The following FUT9 variants were observed in gnomAD, a reference collection of about 807,000 sequenced individuals.
The protein encoded by FUT9 is 4-galactosyl-N-acetylglucosaminide 3-alpha-L-fucosyltransferase 9.
FUT9 carries 15 observed loss-of-function variants against 29.7 expected under a neutral mutation model. The ratio of observed to expected loss-of-function variants is 0.51; its 90% CI spans 0.34 to 0.78. The LOEUF is 0.78. Ranked by LOEUF, FUT9 falls within the 30% of genes least tolerant of loss-of-function variation. FUT9 has a pLI of 0.01. For missense variants in FUT9, 319 were observed against 425.4 expected, an observed-to-expected ratio of 0.75 and a Z score of 2.20; for synonymous variants, 169 against 153.7, an observed-to-expected ratio of 1.10 and a Z score of -0.74.
intron 1 of FUT9, chr6:96,020,887 T>C (rs1770056555): frequency 6.6e-6 from 1 of 152,084 alleles, no homozygotes; most frequent in South Asian, 2.1e-4. Context: ...AAGGCTCCCC[T>C]GACATAGTTT....
At chr6:96,161,047 A>G (rs1268675968) in intron 2 of FUT9, among the ~76,000 whole-genome samples, 6 of 152,214 alleles carry the variant, frequency 3.9e-5, no homozygotes, top group Admixed American at 3.9e-4. Flanking sequence ...AGGAAAATCT[A>G]GATTCATTTT....
intron 2 of FUT9, among the ~76,000 whole-genome samples, chr6:96,161,785 A>G (rs181489607): frequency 1.3e-5 from 2 of 152,368 alleles, no homozygotes; most frequent in Admixed American, 1.3e-4. Flanking sequence ...TGAATGCCAG[A>G]TATCCAAAAA....
At chr6:96,038,477 G>A (rs1450667311) in intron 1 of FUT9, among the ~76,000 whole-genome samples, 1 of 152,086 alleles carries the variant, frequency 6.6e-6, no homozygotes, top group East Asian at 1.9e-4. Context: ...GAGACTATGA[G>A]GAAAATATAG....
chr6:96,055,970 T>C (rs1250421598), intron 1 of FUT9, among the ~76,000 whole-genome samples: 2 of 152,198 alleles, frequency 1.3e-5, no homozygotes. Context: ...AATATCAAAA[T>C]AATATTTGAA....
At chr6:96,062,623 G>C (rs1770895668) in intron 1 of FUT9, among the ~76,000 whole-genome samples, 1 of 152,098 alleles carries the variant, frequency 6.6e-6, no homozygotes, top group Non-Finnish European at 1.5e-5. Flanking sequence ...GGAAGGGAGG[G>C]AGGATAGGAT....
At chr6:96,095,003 T>C (rs1002552611) in intron 1 of FUT9, among the ~76,000 whole-genome samples, 1 of 152,080 alleles carries the variant, frequency 6.6e-6, no homozygotes, top group Non-Finnish European at 1.5e-5. Flanking sequence ...CTCCATGTCC[T>C]TTCTCACCTC....
chr6:96,022,918 G>C (rs1770100063), intron 1 of FUT9, among the ~76,000 whole-genome samples: 1 of 151,742 alleles, frequency 6.6e-6, no homozygotes, highest in African/African-American at 2.4e-5. Flanking sequence ...ATCCCAAAGG[G>C]CTCCTGTGAA....
At chr6:96,132,316 C>T (rs1203289341) in intron 2 of FUT9, among the ~76,000 whole-genome samples, 2 of 105,174 alleles carry the variant, frequency 1.9e-5, no homozygotes, top group Non-Finnish European at 4.5e-5. Context: ...TATGTGTCTG[C>T]TGTTCCATTT....
chr6:96,021,942 C>T (rs1770076534), intron 1 of FUT9, among the ~76,000 whole-genome samples: 1 of 151,628 alleles, frequency 6.6e-6, no homozygotes, highest in Non-Finnish European at 1.5e-5. Flanking sequence ...ATTGGTTTAC[C>T]AAGAGAAAAA....
At chr6:96,150,345 T>A (rs1291992645) in intron 2 of FUT9, among the ~76,000 whole-genome samples, 2 of 152,138 alleles carry the variant, frequency 1.3e-5, no homozygotes, top group East Asian at 3.9e-4. Context: ...CAGAGCGTGA[T>A]GAATCCAGCA....
intron 1 of FUT9, among the ~76,000 whole-genome samples, chr6:96,090,713 G>C (rs1263524096): frequency 1.3e-5 from 2 of 151,606 alleles, no homozygotes; most frequent in Non-Finnish European, 2.9e-5. Flanking sequence ...CACAGAGACA[G>C]TATGAAATAG....
chr6:96,158,158 A>G (rs1355749695), intron 2 of FUT9, among the ~76,000 whole-genome samples: 1 of 151,578 alleles, frequency 6.6e-6, no homozygotes, highest in South Asian at 2.1e-4. Context: ...TGAACTTTAC[A>G]TTTGTGTCAT....
chr6:96,100,230 A>AACAC (rs36064811), intron 1 of FUT9, among the ~76,000 whole-genome samples: 46 of 148,894 alleles, frequency 3.1e-4, no homozygotes, highest in African/African-American at 8.8e-4. Flanking sequence ...CACACACACC[A>AACAC]ACACACACAC....
chr6:96,026,953 G>C (rs2127924445), intron 1 of FUT9, among the ~76,000 whole-genome samples: 1 of 151,734 alleles, frequency 6.6e-6, no homozygotes, highest in Middle Eastern at 3.4e-3. Context: ...TAGTAGAGAT[G>C]AACTGAAAGT....
intron 2 of FUT9, among the ~76,000 whole-genome samples, chr6:96,150,598 A>G (rs1772658029): frequency 6.6e-6 from 1 of 152,196 alleles, no homozygotes; most frequent in Admixed American, 6.5e-5. Flanking sequence ...AGCAGTGTGT[A>G]GGATGGATTG....
rs764275262 is a variant in FUT9 at position 96,212,528 on chromosome 6, T to C, written c.*8293T>C. On this transcript the variant is annotated 3_prime_UTR_variant, in exon 3 of 3. Coordinates refer to ENST00000302103, the MANE Select transcript of FUT9 (RefSeq NM_006581.4). ...TCATATTTGAGAACAAGATTTTACT[T>C]AGAAGGGAAAAAAAAGAACTTTCAG... is the stretch of plus-strand genomic sequence containing the variant. 1.3e-4 allele frequency: 54 copies of C among 405,740 alleles called. No homozygotes were observed. The highest frequency in any genetic ancestry group is 2.9e-4 in the South Asian group (2 of 6,954). The allele number at this position is 405,740 out of a possible 1,614,324, so 25.1% of individuals were successfully genotyped here.
intron 2 of FUT9, among the ~76,000 whole-genome samples, chr6:96,198,186 A>T (rs1773661586): frequency 6.6e-6 from 1 of 151,708 alleles, no homozygotes; most frequent in Non-Finnish European, 1.5e-5. Flanking sequence ...TTACATATGT[A>T]TACATGTGCC....
intron 1 of FUT9, among the ~76,000 whole-genome samples, chr6:96,110,313 A>G (rs1771775331): frequency 1.3e-5 from 2 of 152,170 alleles, no homozygotes; most frequent in African/African-American, 4.8e-5. Flanking sequence ...CATTTTGCTC[A>G]TAGAAGGCCC....
chr6:96,077,066 C>G (rs983616518), intron 1 of FUT9, among the ~76,000 whole-genome samples: 13 of 152,240 alleles, frequency 8.5e-5, no homozygotes, highest in Admixed American at 8.5e-4. Flanking sequence ...TGCCTTCCCC[C>G]AGATTGACAC....
Sources: allele counts gnomAD v4.1 joint callset (sites outside exome capture counted in the v4.1 genomes callset), GRCh38; gene constraint gnomAD v4.1.1; transcripts MANE v1.5; gene names NCBI Gene and HGNC (gene_info 2026-07-23, HGNC 2026-07-21).